The following NELL2 variants were observed in gnomAD, a reference collection of about 807,000 sequenced individuals.
The protein encoded by NELL2 is neural EGFL like 2.
NELL2 carries 41 observed loss-of-function variants against 109.6 expected under a neutral mutation model. The observed-to-expected ratio is 0.37, with a 90% CI of 0.29 to 0.49. NELL2 has a LOEUF of 0.49. NELL2 is among the 20% of genes least tolerant of loss of function. The pLI is 0.98. For missense variants in NELL2, 900 were observed against 1,008.3 expected (o/e 0.89, Z 1.45); for synonymous variants, 355 against 344.7 (o/e 1.03, Z -0.33).
chr12:44,902,663 C>T (rs1223652440), intron 1 of NELL2, among the ~76,000 whole-genome samples: 2 of 152,140 alleles, frequency 1.3e-5, no homozygotes, highest in African/African-American at 4.8e-5. Flanking sequence ...TACTACAAGG[C>T]TACAGTAACC....
At chr12:44,735,148 A>G (rs1278422045) in intron 9 of NELL2, among the ~76,000 whole-genome samples, 1 of 152,118 alleles carries the variant, frequency 6.6e-6, no homozygotes, top group African/African-American at 2.4e-5. Context: ...CCTTGAAGAT[A>G]TACTGATTTA....
intron 13 of NELL2, among the ~76,000 whole-genome samples, chr12:44,645,645 T>C (rs1947066898): frequency 6.6e-6 from 1 of 152,202 alleles, no homozygotes; most frequent in South Asian, 2.1e-4. Flanking sequence ...AATTTCATAT[T>C]ATCTAATCAA....
At chr12:44,761,950 G>A (rs1941144397) in intron 9 of NELL2, among the ~76,000 whole-genome samples, 1 of 151,962 alleles carries the variant, frequency 6.6e-6, no homozygotes, top group South Asian at 2.1e-4. Flanking sequence ...TCAGGTGATG[G>A]GCACACTAAA....
At chr12:44,856,592 C>A (rs570093967) in intron 2 of NELL2, among the ~76,000 whole-genome samples, 1 of 152,180 alleles carries the variant, frequency 6.6e-6, no homozygotes, top group African/African-American at 2.4e-5. Context: ...TTCCAGGGCA[C>A]GGTGGACAGC....
chr12:44,576,997 A>G (rs541490311), intron 15 of NELL2, among the ~76,000 whole-genome samples: 1 of 140,168 alleles, frequency 7.1e-6, no homozygotes, highest in Admixed American at 7.3e-5. Flanking sequence ...ATAGTGCCGC[A>G]ATAAACATAC....
Position 44,523,436 on chromosome 12 carries a change from A to G in NELL2, c.1853T>C (p.Ile618Thr), listed in dbSNP as rs953203186. The part of the protein sequence containing the change: ...TGRHSCANDT[I>T]CFNLDGGYDC... ...ATATCCGCCATCCAAATTGAAGCAA[A>G]TGGTATCATTGGCACAGCTGTGCCT... Residue 618 changes from isoleucine (I) to threonine (T), a missense_variant, in exon 17 of 20, where the codon ATT (isoleucine) becomes ACT (threonine). This residue lies in a region of NELL2 where 333 missense variants were observed against 432.3 expected (regional missense o/e 0.77). Transcript: ENST00000429094. The G allele has an allele frequency of 1.9e-6, 3 of 1,614,076 alleles. No homozygotes were observed. The highest frequency in any genetic ancestry group is 3.3e-5 in the Admixed American group (2 of 60,016).
At chr12:44,735,456 G>A (rs559930479) in intron 9 of NELL2, among the ~76,000 whole-genome samples, 3 of 152,232 alleles carry the variant, frequency 2.0e-5, no homozygotes, top group African/African-American at 7.2e-5. Context: ...CTGCTGCCTA[G>A]GCTTTATATC....
intron 15 of NELL2, among the ~76,000 whole-genome samples, chr12:44,569,975 T>A (rs1365333516): frequency 2.0e-5 from 3 of 152,172 alleles, no homozygotes; most frequent in Non-Finnish European, 4.4e-5. Context: ...ATAAATTTCC[T>A]ACTGACATGT....
intron 9 of NELL2, among the ~76,000 whole-genome samples, chr12:44,728,485 T>A (rs934035498): frequency 6.6e-6 from 1 of 152,022 alleles, no homozygotes; most frequent in Non-Finnish European, 1.5e-5. Context: ...CTAAAGGACT[T>A]ATGGGATAAC....
At chr12:44,876,893 C>T (rs1945343889), upstream of NELL2, 1 of 1,277,736 alleles carries the variant, frequency 7.8e-7, no homozygotes, top group Admixed American at 3.6e-5. Context: ...CCCGGGTGTC[C>T]TGGTGGAGAG....
At chr12:44,521,902 G>A in intron 18 of NELL2, 98 bp downstream of exon 18, 1 of 1,188,558 alleles carries the variant, frequency 8.4e-7, no homozygotes, top group Non-Finnish European at 1.2e-6. Context: ...CAACACTGTG[G>A]CCTGGTGCTA....
chr12:44,530,836 CTTGACTGCAGTG>C (rs1382177558), intron 16 of NELL2, among the ~76,000 whole-genome samples: 7 of 152,192 alleles, frequency 4.6e-5, no homozygotes, highest in Non-Finnish European at 7.3e-5. Context: ...TGGCCAAGAA[CTTGACTGCAGTG>C]TCATGAAGAC....
chr12:44,510,047 A>G (rs953289652), intron 19 of NELL2, among the ~76,000 whole-genome samples: 16 of 152,188 alleles, frequency 1.1e-4, no homozygotes, highest in African/African-American at 3.9e-4. Context: ...AGTTTTTGAT[A>G]TAAGGTATCA....
At chr12:44,556,397 G>C (rs1389232910) in intron 15 of NELL2, among the ~76,000 whole-genome samples, 1 of 152,162 alleles carries the variant, frequency 6.6e-6, no homozygotes, top group African/African-American at 2.4e-5. Context: ...CAAGATCTAT[G>C]AGCAGCATGC....
intron 2 of NELL2, among the ~76,000 whole-genome samples, chr12:44,841,336 G>T (rs375610596): frequency 1.1e-4 from 17 of 152,194 alleles, no homozygotes; most frequent in East Asian, 9.7e-4. Context: ...ATGCTTTCAA[G>T]AATCTAACTA....
At chr12:44,851,731 G>A (rs1944540089) in intron 2 of NELL2, 1 of 152,156 alleles carries the variant, frequency 6.6e-6, no homozygotes. Flanking sequence ...TCCTCCTACA[G>A]AGGGATGATG....
At chr12:44,638,312 G>A (rs938700291) in intron 13 of NELL2, among the ~76,000 whole-genome samples, 3 of 152,042 alleles carry the variant, frequency 2.0e-5, no homozygotes, top group African/African-American at 4.8e-5. Flanking sequence ...TACAGAATCC[G>A]CTAACAAATG....
At chr12:44,860,781 T>C (rs796880404) in intron 2 of NELL2, among the ~76,000 whole-genome samples, 17 of 152,342 alleles carry the variant, frequency 1.1e-4, no homozygotes, top group African/African-American at 4.1e-4. Context: ...CATAACAATA[T>C]ATTCACTGAT....
chr12:44,546,846 T>TA (rs1332812946), intron 15 of NELL2, among the ~76,000 whole-genome samples: 6 of 152,014 alleles, frequency 3.9e-5, no homozygotes, highest in Admixed American at 1.3e-4. Flanking sequence ...AATGTATCTT[T>TA]AAAAAAAACC....
Sources: gnomAD v4.1 joint callset for allele counts (sites outside exome capture counted in the v4.1 genomes callset) on GRCh38, gnomAD v4.1.1 for gene constraint, gnomAD v4.1.1 regional missense constraint, MANE v1.5 for transcripts, NCBI Gene and HGNC (gene_info 2026-07-23, HGNC 2026-07-21) for gene names.